MTAP: variants seen among roughly 807,000 people sequenced by gnomAD.
MTAP encodes the protein S-methyl-5'-thioadenosine phosphorylase.
MTAP carries 33 observed loss-of-function variants against 33.6 expected under a neutral mutation model. The observed-to-expected ratio is 0.98, with a 90% CI of 0.74 to 1.31. The LOEUF (loss-of-function observed/expected upper bound fraction) is 1.31, where lower values mean the gene tolerates loss of function less well. Ranked by LOEUF, MTAP falls within the 40% of genes most tolerant of loss-of-function variation. The pLI, the probability that MTAP is intolerant of heterozygous loss-of-function variation, is 0.00. For missense variants in MTAP, 367 were observed against 360.0 expected (o/e 1.02, Z -0.16); for synonymous variants, 148 against 125.7 (o/e 1.18, Z -1.19).
intron 1 of MTAP, among the ~76,000 whole-genome samples, chr9:21,812,822 C>T (rs1824384490): frequency 6.6e-6 from 1 of 152,210 alleles, no homozygotes; most frequent in Non-Finnish European, 1.5e-5. Context: ...GGAGAGGGCA[C>T]ATCATAGTGG....
chr9:21,825,957 T>G (rs1242132290), intron 4 of MTAP, among the ~76,000 whole-genome samples: 2 of 152,266 alleles, frequency 1.3e-5, no homozygotes, highest in African/African-American at 4.8e-5. Flanking sequence ...GAATGTCTAT[T>G]CAAGTCCTTT....
intron 1 of MTAP, chr9:21,892,058 T>G (rs985210222): frequency 7.2e-5 from 11 of 152,144 alleles, no homozygotes; most frequent in African/African-American, 2.7e-4. Context: ...AAAATCTTTT[T>G]CAGAAAAGCA....
At chr9:21,934,310 G>C (rs1229340649), downstream of MTAP, 1 of 152,168 alleles carries the variant, frequency 6.6e-6, no homozygotes, top group Non-Finnish European at 1.5e-5. The surrounding 1 kb of genome is among the most constrained non-coding windows in gnomAD (Gnocchi z 5.0). Flanking sequence ...TTGTCTACCT[G>C]TTAAGTTAGG....
chr9:21,845,741 T>C (rs754441034), intron 5 of MTAP, among the ~76,000 whole-genome samples: 6 of 151,768 alleles, frequency 4.0e-5, no homozygotes, highest in Non-Finnish European at 7.4e-5. Context: ...CCATCATTGT[T>C]CACAGAAATA....
intron 4 of MTAP, among the ~76,000 whole-genome samples, chr9:21,818,755 A>G (rs981812017): frequency 6.6e-6 from 1 of 152,278 alleles, no homozygotes; most frequent in East Asian, 1.9e-4. Flanking sequence ...GCTAATTAAC[A>G]TATTACCCCA....
rs775527909 is a variant in MTAP, at chr9:21,815,407, ATCT to A, written c.34-22_34-20del. On this transcript the variant is annotated intron_variant, in intron 1 of 7. Transcript: ENST00000644715. The stretch of plus-strand genomic sequence containing the variant: ...CTAATAAAAATTACCAAATACAATA[ATCT>A]TCTCTGTCTTTTTCTCTCTTAGATT... The A allele has an allele frequency of 9.6e-6, 14 of 1,462,160 alleles. No homozygotes were observed. The African/African-American group carries it at 1.4e-4, about 15-fold the overall frequency. 90.6% of individuals were successfully genotyped at this position (1,462,160 alleles called of 1,614,324 possible).
intron 1 of MTAP, among the ~76,000 whole-genome samples, chr9:21,909,240 T>A (rs762650490): frequency 1.3e-5 from 2 of 152,116 alleles, no homozygotes; most frequent in African/African-American, 4.8e-5. Context: ...ATATTTTTAC[T>A]GGGTATAGGA....
At chr9:21,847,562 A>T (rs1825412774) in intron 5 of MTAP, among the ~76,000 whole-genome samples, 1 of 152,224 alleles carries the variant, frequency 6.6e-6, no homozygotes, top group Non-Finnish European at 1.5e-5. Context: ...CAAGGACTCT[A>T]CATAATACCT....
chr9:21,814,998 T>C (rs1824441025), intron 1 of MTAP, among the ~76,000 whole-genome samples: 2 of 152,206 alleles, frequency 1.3e-5, no homozygotes, highest in Non-Finnish European at 2.9e-5. Flanking sequence ...ATACCTAATA[T>C]TTTATATCCC....
chr9:21,868,039 A>G (rs2118626036), downstream of MTAP, among the ~76,000 whole-genome samples: 1 of 152,326 alleles, frequency 6.6e-6, no homozygotes, highest in East Asian at 1.9e-4. Context: ...GGTGATGTAT[A>G]GATAGGATGT....
chr9:21,854,729 C>G lies in MTAP; in HGVS notation c.549C>G (p.Ser183Arg). 1 of 1,614,158 alleles carries G rather than the reference C, an allele frequency of 6.2e-7. No individual in the cohort carries two copies. ...EGPRFSSRAESFMFRTWGADV... is the reference protein window; with the variant it reads ...EGPRFSSRAERFMFRTWGADV... ...CTCGTTTTAGCTCCCGGGCAGAAAG[C>G]TTCATGTTCCGCACCTGGGGGGCGG... The change falls in exon 6 of 8, where the codon AGC (serine) becomes AGG (arginine). Residue 183 changes from serine to arginine, a missense_variant. Transcript: ENST00000644715.
At chr9:21,825,333 A>C (rs377679289) in intron 4 of MTAP, among the ~76,000 whole-genome samples, 2 of 152,198 alleles carry the variant, frequency 1.3e-5, no homozygotes, top group African/African-American at 4.8e-5. Context: ...TGCTGCAGGG[A>C]CCATGGAAGT....
intron 5 of MTAP, among the ~76,000 whole-genome samples, chr9:21,853,939 G>C (rs1825574316): frequency 6.6e-6 from 1 of 152,268 alleles, no homozygotes; most frequent in South Asian, 2.1e-4. Context: ...ATAACTTGAA[G>C]ATTAGATGTG....
chr9:21,813,304 A>C (rs72691562), intron 1 of MTAP, among the ~76,000 whole-genome samples: 55,400 of 152,144 alleles, frequency 0.36, 11,185 homozygotes, highest in South Asian at 0.55. Flanking sequence ...GGACCTAGTA[A>C]AGTGACTGGA....
chr9:21,813,070 G>A (rs892468082), intron 1 of MTAP, among the ~76,000 whole-genome samples: 1 of 152,214 alleles, frequency 6.6e-6, no homozygotes, highest in African/African-American at 2.4e-5. Context: ...GTACTGAGTT[G>A]ACACAAACTT....
intron 5 of MTAP, among the ~76,000 whole-genome samples, chr9:21,848,733 GC>G (rs1256290517): frequency 6.6e-6 from 1 of 152,180 alleles, no homozygotes; most frequent in Admixed American, 6.5e-5. Flanking sequence ...TCTTTGAAGA[GC>G]CCTGTAATTG....
At chr9:21,892,035 G>A (rs2118751978) in intron 1 of MTAP, among the ~76,000 whole-genome samples, 1 of 152,222 alleles carries the variant, frequency 6.6e-6, no homozygotes, top group East Asian at 1.9e-4. Flanking sequence ...AGCTTCATAA[G>A]AAAACGAGAA....
chr9:21,927,316 C>A (rs1818885388), intron 1 of MTAP, among the ~76,000 whole-genome samples: 1 of 152,156 alleles, frequency 6.6e-6, no homozygotes, highest in Non-Finnish European at 1.5e-5. Context: ...CAAGGAGGCC[C>A]TCAAAATCAC....
chr9:21,891,917 A>G (rs1464584147), intron 1 of MTAP, among the ~76,000 whole-genome samples: 5 of 152,248 alleles, frequency 3.3e-5, no homozygotes, highest in African/African-American at 1.2e-4. Context: ...CATCAGGCTA[A>G]CAATGGACCT....
Sources: allele counts gnomAD v4.1 joint callset (sites outside exome capture counted in the v4.1 genomes callset), GRCh38; gene constraint gnomAD v4.1.1; non-coding constraint Gnocchi (gnomAD v3.1); transcripts MANE v1.5; gene names NCBI Gene and HGNC (gene_info 2026-07-23, HGNC 2026-07-21).